Variants in BCKDK observed in about 807,000 individuals in gnomAD.
BCKDK encodes branched-chain alpha-ketoacid dehydrogenase kinase.
Under a neutral mutation model 43.9 loss-of-function variants are expected in BCKDK, and 28 were observed. The ratio of observed to expected loss-of-function variants is 0.64; its 90% CI spans 0.47 to 0.87. The LOEUF is 0.87. Ranked by LOEUF, BCKDK falls within the 40% of genes least tolerant of loss-of-function variation. The pLI is 0.00. For synonymous variants in BCKDK, 257 were observed against 234.3 expected, an observed-to-expected ratio of 1.10 and a Z score of -0.88; for missense variants, 483 against 581.4, an observed-to-expected ratio of 0.83 and a Z score of 1.74.
In BCKDK at chr16:31,109,140, C is replaced by A; in HGVS notation, c.-84C>A. The A allele has an allele frequency of 7.7e-7, 1 of 1,304,698 alleles. No homozygotes were observed. 80.8% of individuals were successfully genotyped at this position (1,304,698 alleles called of 1,614,324 possible). A position where few individuals can be genotyped will look rare whatever the true frequency, so the allele number is the denominator to read the frequency against. On this transcript the variant is annotated 5_prime_UTR_variant, in exon 2 of 12. Transcript: ENST00000219794. This position sits in a 1 kb window ranked among gnomAD's most constrained non-coding sequence, Gnocchi z 5.3. ...AAGAGCCCCTACCCACCCACACCCC[C>A]TTGCCCCATTTTGGGTCGCCTGGGT...
chr16:31,116,208 AC>A (rs2057444828), downstream of BCKDK, among the ~76,000 whole-genome samples: 1 of 146,542 alleles, frequency 6.8e-6, no homozygotes, highest in East Asian at 2.1e-4. Context: ...GAACCACCGC[AC>A]CCGGCCTTTT....
At chr16:31,115,084 C>T (rs963282351), downstream of BCKDK, among the ~76,000 whole-genome samples, 8 of 152,014 alleles carry the variant, frequency 5.3e-5, no homozygotes, top group African/African-American at 1.9e-4. Context: ...GCCACCACCC[C>T]TGACTGTTTT....
At chr16:31,117,495 A>C, downstream of BCKDK, 1 of 428,006 alleles carries the variant, frequency 2.3e-6, no homozygotes, top group Non-Finnish European at 4.0e-6. Flanking sequence ...GAAAACCAGG[A>C]GCTCCAAGAC....
Position 31,110,949 on chromosome 16 carries a change from C to G in BCKDK, c.717-142C>G, listed in dbSNP as rs2057406939. 11 of 1,410,984 alleles carry G rather than the reference C, an allele frequency of 7.8e-6. No homozygotes were observed. The highest frequency in any genetic ancestry group is 5.2e-5 in the South Asian group (4 of 76,298). 87.4% of individuals were successfully genotyped at this position (1,410,984 alleles called of 1,614,324 possible). A position where few individuals can be genotyped will look rare whatever the true frequency, so the allele number is the denominator to read the frequency against. ...CACGTTAGGAAGTTCAGCAGCATCC[C>G]TGGCGCCAGCAGTACTGCCTAGTTG... On this transcript the variant is annotated intron_variant, in intron 8 of 11. Transcript: ENST00000219794. This position sits in a 1 kb window ranked among gnomAD's most constrained non-coding sequence, Gnocchi z 5.4.
At chr16:31,114,907 T>C (rs2057437858), downstream of BCKDK, among the ~76,000 whole-genome samples, 1 of 152,126 alleles carries the variant, frequency 6.6e-6, no homozygotes, top group Non-Finnish European at 1.5e-5. Context: ...CCTTTTCTTT[T>C]CCTCCCTTCC....
At position 31,109,926 on chromosome 16, in the gene BCKDK, G is replaced by C. The variant is rs986500680; in HGVS notation, c.375+143G>C. On this transcript the variant is annotated intron_variant, in intron 4 of 11. Coordinates refer to ENST00000219794, the MANE Select transcript of BCKDK (RefSeq NM_005881.4). The surrounding 1 kb of genome is among the most constrained non-coding windows in gnomAD (Gnocchi z 5.3). The stretch of plus-strand genomic sequence containing the variant: ...CAACCCCAGGCCTTCAGAAGCCAAA[G>C]GTGTGTATTCACGGAGCCTGGAAGG... 1 of 1,371,126 alleles carries C rather than the reference G, an allele frequency of 7.3e-7. No individual in the cohort carries two copies. The highest frequency in any genetic ancestry group is 1.4e-5 in the African/African-American group (1 of 69,858). 84.9% of individuals were successfully genotyped at this position (1,371,126 alleles called of 1,614,324 possible).
In BCKDK at chr16:31,109,210, A is replaced by G; in HGVS notation, c.-14A>G. 6.7e-7 allele frequency: 1 copy of G among 1,502,322 alleles called. No homozygotes were observed. The highest frequency in any genetic ancestry group is 8.9e-7 in the Non-Finnish European group (1 of 1,129,902). 93.1% of individuals were successfully genotyped at this position (1,502,322 alleles called of 1,614,324 possible). ...TCAGTCCTAGCGGCCACCGGGTCTGAAAGGAGCAAGACGATGATCCTGGCG... is the reference window on the plus strand; with the variant it reads ...TCAGTCCTAGCGGCCACCGGGTCTGGAAGGAGCAAGACGATGATCCTGGCG... On this transcript the variant is annotated 5_prime_UTR_variant, in exon 2 of 12. Transcript: ENST00000219794. This position sits in a 1 kb window ranked among gnomAD's most constrained non-coding sequence, Gnocchi z 5.3.
Position 31,109,759 on chromosome 16 carries a change from C to A in BCKDK, c.351C>A (p.Gly117=). The A allele has an allele frequency of 4.3e-6, 7 of 1,613,854 alleles. No homozygotes were observed. The highest frequency in any genetic ancestry group is 5.9e-6 in the Non-Finnish European group (7 of 1,180,012). Residue 117 remains glycine (G), a synonymous_variant, in exon 4 of 12, where the codon GGC becomes GGA. Coordinates refer to ENST00000219794, the MANE Select transcript of BCKDK (RefSeq NM_005881.4). This position sits in a 1 kb window ranked among gnomAD's most constrained non-coding sequence, Gnocchi z 5.3. ...KGFRCLPFII[G]CNPTILHVHE... ...TCCGCTGCCTTCCTTTCATCATTGG[C>A]TGCAACCCCACCATACTGCACGTGG...
At position 31,109,793 on chromosome 16, in the gene BCKDK, A is replaced by G. The variant is rs771279207; in HGVS notation, c.375+10A>G. The stretch of plus-strand genomic sequence containing the variant: ...CACCATACTGCACGTGGTAAGGTAG[A>G]GAGGACCTTAGGTCAGCGGGCCACC... On this transcript the variant is annotated intron_variant, in intron 4 of 11. Transcript: ENST00000219794. This position sits in a 1 kb window ranked among gnomAD's most constrained non-coding sequence, Gnocchi z 5.3. 1 of 1,612,426 alleles carries G rather than the reference A, an allele frequency of 6.2e-7. No homozygotes were observed. The highest frequency in any genetic ancestry group is 1.7e-5 in the Admixed American group (1 of 60,020).
At position 31,112,627 on chromosome 16, in the gene BCKDK, C is replaced by A. The variant is rs77606313; in HGVS notation, c.*362C>A. 8 of 396,332 alleles carry A rather than the reference C, an allele frequency of 2.0e-5. No homozygotes were observed. Among genetic ancestry groups the A allele is most frequent in the African/African-American group, 1.6e-4 (8 of 48,632 alleles). The allele number at this position is 396,332 out of a possible 1,614,324, so 24.6% of individuals were successfully genotyped here. A position where few individuals can be genotyped will look rare whatever the true frequency, so the allele number is the denominator to read the frequency against. On this transcript the variant is annotated 3_prime_UTR_variant, in exon 12 of 12. Coordinates refer to ENST00000219794, the MANE Select transcript of BCKDK (RefSeq NM_005881.4). This position sits in a 1 kb window ranked among gnomAD's most constrained non-coding sequence, Gnocchi z 5.0. ...TTTTGTTTCTGCCCCCATTCAGGTT[C>A]ACTGAGCCCTTGGGTTGAACTGGTT...
rs2057382980 is a variant in BCKDK, at chr16:31,108,510, C to T, written c.-178+31C>T. 6.6e-6 allele frequency: 1 copy of T among 152,188 alleles called. No individual in the cohort carries two copies. The highest frequency in any genetic ancestry group is 1.5e-5 in the Non-Finnish European group (1 of 68,050). The allele number at this position is 152,188 out of a possible 1,614,324, so 9.4% of individuals were successfully genotyped here. On this transcript the variant is annotated intron_variant, in intron 1 of 11. Coordinates refer to ENST00000219794, the MANE Select transcript of BCKDK (RefSeq NM_005881.4). The surrounding 1 kb of genome is among the most constrained non-coding windows in gnomAD (Gnocchi z 6.2). ...TGGGGCGACCCCAGCCTACTCAGTC[C>T]GCGGAGGCCCCGCGGCGCACGTCCG...
rs2057397610 is a variant in BCKDK, at chr16:31,110,050, G to A, written c.376-27G>A. 6.2e-7 allele frequency: 1 copy of A among 1,614,088 alleles called. No individual in the cohort carries two copies. The highest frequency in any genetic ancestry group is 8.5e-7 in the Non-Finnish European group (1 of 1,180,028). On this transcript the variant is annotated intron_variant, in intron 4 of 11. Transcript: ENST00000219794. The surrounding 1 kb of genome is among the most constrained non-coding windows in gnomAD (Gnocchi z 5.4). Reference sequence around the variant, plus strand: ...CTCTGCTCAGTGCCCATGCGGCTTTGTGAATTCCCACACCTCTTCCTTGCA... The same window carrying A: ...CTCTGCTCAGTGCCCATGCGGCTTTATGAATTCCCACACCTCTTCCTTGCA...
chr16:31,116,928 A>AGGGGGG (rs761173212), downstream of BCKDK, among the ~76,000 whole-genome samples: 2 of 27,270 alleles, frequency 7.3e-5, no homozygotes, highest in Non-Finnish European at 1.6e-4. Flanking sequence ...AAAAAAAAAA[A>AGGGGGG]GGGGGGGGGG....
rs1429064841 is a variant in BCKDK, at chr16:31,112,785, T to C, written c.*520T>C. The C allele has an allele frequency of 5.5e-5, 12 of 217,270 alleles. No individual in the cohort carries two copies. The highest frequency in any genetic ancestry group is 3.8e-5 in the Non-Finnish European group (4 of 105,728). The allele number at this position is 217,270 out of a possible 1,614,324, so 13.5% of individuals were successfully genotyped here. On this transcript the variant is annotated 3_prime_UTR_variant, in exon 12 of 12. Transcript: ENST00000219794. This position sits in a 1 kb window ranked among gnomAD's most constrained non-coding sequence, Gnocchi z 5.0. ...TTATACAAAGAGCTTTCATTCATCT[T>C]GTTGAACAAATGTTTCCGGGTCCCA...
At position 31,109,596 on chromosome 16, in the gene BCKDK, C is replaced by G. The variant is rs558843870; in HGVS notation, c.264+17C>G. On this transcript the variant is annotated intron_variant, in intron 3 of 11. Transcript: ENST00000219794. The surrounding 1 kb of genome is among the most constrained non-coding windows in gnomAD (Gnocchi z 5.3). ...CACCTTCTGGTAAGATTCACGCCCT[C>G]TATTTTCCTCGTGGATCCTGGAGCT... is the stretch of plus-strand genomic sequence containing the variant. 1 of 1,614,068 alleles carries G rather than the reference C, an allele frequency of 6.2e-7. No individual in the cohort carries two copies. The highest frequency in any genetic ancestry group is 1.7e-5 in the Admixed American group (1 of 60,026).
Position 31,110,417 on chromosome 16 carries a change from G to A in BCKDK, c.560G>A (p.Arg187His), listed in dbSNP as rs2143941194. The change falls in exon 7 of 12, where the codon CGC becomes CAC. Residue 187 changes from arginine (R) to histidine (H), a missense_variant. Coordinates refer to ENST00000219794, the MANE Select transcript of BCKDK (RefSeq NM_005881.4). The surrounding 1 kb of genome is among the most constrained non-coding windows in gnomAD (Gnocchi z 5.4). ...TCTTTACAGGATGAAAAGCTCGTCC[G>A]CTACTTCTTGGACAAGACGCTGACT... ...RKHIEDEKLV[R>H]YFLDKTLTSR... 1.9e-6 allele frequency: 3 copies of A among 1,613,958 alleles called. No individual in the cohort carries two copies. The highest frequency in any genetic ancestry group is 2.5e-6 in the Non-Finnish European group (3 of 1,180,020).
downstream of BCKDK, among the ~76,000 whole-genome samples, chr16:31,114,255 G>A (rs2057433504): frequency 2.6e-5 from 4 of 151,684 alleles, no homozygotes; most frequent in South Asian, 8.4e-4. Context: ...CTGGAGTGCA[G>A]TGGCTGGATC....
At chr16:31,114,337 C>T (rs1177491838), downstream of BCKDK, among the ~76,000 whole-genome samples, 5 of 150,202 alleles carry the variant, frequency 3.3e-5, no homozygotes, top group East Asian at 2.0e-4. Context: ...CTCAGCCTCC[C>T]GAGTAGCTGG....
chr16:31,108,434 G>A lies in BCKDK; in HGVS notation c.-223G>A, dbSNP rs954904121. 1 of 152,254 alleles carries A rather than the reference G, an allele frequency of 6.6e-6. No homozygotes were observed. Among genetic ancestry groups the A allele is most frequent in the Non-Finnish European group, 1.5e-5 (1 of 68,052 alleles). 9.4% of individuals were successfully genotyped at this position (152,254 alleles called of 1,614,324 possible). ...CGGCTGGGCGCCTGGCGAGTGGACTGTTCGAGCCCTTCCGCTGGGACCCGG... is the reference window on the plus strand; with the variant it reads ...CGGCTGGGCGCCTGGCGAGTGGACTATTCGAGCCCTTCCGCTGGGACCCGG... On this transcript the variant is annotated 5_prime_UTR_variant, in exon 1 of 12. Coordinates refer to ENST00000219794, the MANE Select transcript of BCKDK (RefSeq NM_005881.4). This position sits in a 1 kb window ranked among gnomAD's most constrained non-coding sequence, Gnocchi z 6.2.
Sources: gnomAD v4.1 joint callset for allele counts (sites outside exome capture counted in the v4.1 genomes callset) on GRCh38, gnomAD v4.1.1 for gene constraint, Gnocchi (gnomAD v3.1) non-coding constraint, MANE v1.5 for transcripts, NCBI Gene and HGNC (gene_info 2026-07-23, HGNC 2026-07-21) for gene names.